The following KCNMA1 variants were observed in gnomAD, a reference collection of about 807,000 sequenced individuals.
KCNMA1 encodes the protein potassium calcium-activated channel subfamily M alpha 1, also known as Calcium-activated potassium channel subunit alpha-1.
KCNMA1 carries 29 observed loss-of-function variants against 140.0 expected under a neutral mutation model. That is an observed-to-expected ratio of 0.21 (90% CI 0.15 to 0.28). The LOEUF is 0.28. Ranked by LOEUF, KCNMA1 falls within the 10% of genes least tolerant of loss-of-function variation. The probability of loss-of-function intolerance (pLI) is 1.00; values close to 1 mark genes in which losing one functional copy is unlikely to be tolerated. For synonymous variants in KCNMA1, 612 were observed against 611.9 expected, an observed-to-expected ratio of 1.00 and a Z score of 0.00; for missense variants, 880 against 1,602.2, an observed-to-expected ratio of 0.55 and a Z score of 7.70.
intron 1 of KCNMA1, among the ~76,000 whole-genome samples, chr10:77,624,528 C>A (rs746302115): frequency 1.3e-5 from 2 of 152,128 alleles, no homozygotes; most frequent in Non-Finnish European, 2.9e-5. Flanking sequence ...TCAAATTTCA[C>A]TCTTGTGTTT....
intron 1 of KCNMA1, among the ~76,000 whole-genome samples, chr10:77,633,841 T>C (rs902898255): frequency 6.6e-6 from 1 of 152,066 alleles, no homozygotes; most frequent in African/African-American, 2.4e-5. Flanking sequence ...TTGGCCTCAG[T>C]TTCCCCAGTT....
Position 77,059,285 on chromosome 10 carries a change from G to GA in KCNMA1, c.1749+13811dup, listed in dbSNP as rs79047743. ...TGCCAAATACTACTAAATATTTAAAGAAAAAAAAATCACCAATTCTACACA... is the reference window on the plus strand; with the variant it reads ...TGCCAAATACTACTAAATATTTAAAGAAAAAAAAAATCACCAATTCTACACA... On this transcript the variant is annotated intron_variant, in intron 14 of 27. Transcript: ENST00000286628. Among the ~76,000 whole-genome samples the GA allele has an allele frequency of 3.5e-3, 525 of 150,048 alleles. 4 individuals are homozygous for GA. Among genetic ancestry groups the GA allele is most frequent in the African/African-American group, 0.012 (489 of 40,944 alleles).
intron 1 of KCNMA1, among the ~76,000 whole-genome samples, chr10:77,503,528 C>T (rs576399673): frequency 1.3e-3 from 195 of 152,216 alleles, no homozygotes; most frequent in African/African-American, 4.4e-3. Flanking sequence ...TTCAAAAAGC[C>T]GGGTGGCTTT....
At chr10:77,105,054 C>G (rs1265478476) in intron 9 of KCNMA1, among the ~76,000 whole-genome samples, 3 of 152,190 alleles carry the variant, frequency 2.0e-5, no homozygotes, top group Non-Finnish European at 4.4e-5. Flanking sequence ...GATTACCTGC[C>G]TCAGCTACTC....
At chr10:77,293,500 T>C (rs886407186) in intron 2 of KCNMA1, among the ~76,000 whole-genome samples, 5 of 152,216 alleles carry the variant, frequency 3.3e-5, no homozygotes, top group Admixed American at 3.3e-4. Context: ...AGGGGCATTG[T>C]GGGTTCCTTT....
intron 26 of KCNMA1, among the ~76,000 whole-genome samples, chr10:76,889,982 C>G (rs532692127): frequency 6.6e-6 from 1 of 152,106 alleles, no homozygotes; most frequent in Non-Finnish European, 1.5e-5. Context: ...GTGATAGGCT[C>G]GTGTTGTCAA....
At chr10:77,316,440 A>G (rs2080903617) in intron 2 of KCNMA1, among the ~76,000 whole-genome samples, 1 of 152,216 alleles carries the variant, frequency 6.6e-6, no homozygotes, top group Non-Finnish European at 1.5e-5. Flanking sequence ...TACCAGCTTA[A>G]GTAGTTTAGA....
intron 1 of KCNMA1, among the ~76,000 whole-genome samples, chr10:77,421,981 C>G (rs1394741946): frequency 2.0e-5 from 3 of 152,224 alleles, no homozygotes; most frequent in Non-Finnish European, 4.4e-5. Flanking sequence ...GCAGTGAAAT[C>G]TGGAAATGCC....
chr10:77,545,270 G>A (rs968701230), intron 1 of KCNMA1, among the ~76,000 whole-genome samples: 1 of 152,182 alleles, frequency 6.6e-6, no homozygotes, highest in Non-Finnish European at 1.5e-5. Context: ...ACACGGAAAT[G>A]TATTATATGC....
chr10:76,891,032 G>A (rs2039813940), intron 26 of KCNMA1, among the ~76,000 whole-genome samples: 1 of 152,214 alleles, frequency 6.6e-6, no homozygotes, highest in Non-Finnish European at 1.5e-5. Context: ...GAAACCTGCA[G>A]GCTGAGGCTG....
intron 1 of KCNMA1, among the ~76,000 whole-genome samples, chr10:77,434,336 A>C (rs896940959): frequency 6.6e-6 from 1 of 152,184 alleles, no homozygotes; most frequent in Admixed American, 6.5e-5. Flanking sequence ...GTTCCTGTGG[A>C]AAGGAGGTAT....
chr10:77,051,169 G>T (rs2095349482), intron 14 of KCNMA1, among the ~76,000 whole-genome samples: 1 of 152,156 alleles, frequency 6.6e-6, no homozygotes, highest in African/African-American at 2.4e-5. Context: ...TGAGTGTGAG[G>T]ACGAAAACGC....
chr10:77,559,073 CT>C, intron 1 of KCNMA1, among the ~76,000 whole-genome samples: 1 of 152,204 alleles, frequency 6.6e-6, no homozygotes, highest in Non-Finnish European at 1.5e-5. Context: ...AGCCCAGCCC[CT>C]GTCACTGGGC....
intron 5 of KCNMA1, among the ~76,000 whole-genome samples, chr10:77,156,227 TAAAAAAAAAAAAAAA>T (rs58950492): frequency 8.3e-6 from 1 of 120,592 alleles, no homozygotes; most frequent in African/African-American, 3.3e-5. Context: ...GACTCCATCT[TAAAAAAAAAAAAAAA>T]AAAAAAAAAA....
chr10:77,271,617 A>G (rs1439063912), intron 2 of KCNMA1, among the ~76,000 whole-genome samples: 1 of 152,256 alleles, frequency 6.6e-6, no homozygotes, highest in Non-Finnish European at 1.5e-5. Flanking sequence ...TGCCTGGCAC[A>G]TAGCAAGCTC....
At chr10:77,226,214 G>C (rs969373404) in intron 3 of KCNMA1, among the ~76,000 whole-genome samples, 1 of 152,098 alleles carries the variant, frequency 6.6e-6, no homozygotes, top group Non-Finnish European at 1.5e-5. Context: ...CAACATTGCT[G>C]GGAGGGTTCT....
chr10:77,500,577 C>A (rs1204322666), intron 1 of KCNMA1, among the ~76,000 whole-genome samples: 9 of 152,094 alleles, frequency 5.9e-5, no homozygotes, highest in Admixed American at 5.2e-4. Context: ...TTAAATAAGG[C>A]AACACAGGAG....
intron 5 of KCNMA1, among the ~76,000 whole-genome samples, chr10:77,132,993 G>A (rs1230573174): frequency 1.3e-5 from 2 of 152,086 alleles, no homozygotes; most frequent in African/African-American, 2.4e-5. Context: ...AGATGGAGGT[G>A]TGAAGGAGAG....
At chr10:77,467,175 T>G (rs1344088807) in intron 1 of KCNMA1, among the ~76,000 whole-genome samples, 3 of 152,072 alleles carry the variant, frequency 2.0e-5, no homozygotes, top group South Asian at 4.2e-4. Context: ...GATTCACCAG[T>G]TTTTAAAAAA....
Sources: gnomAD v4.1 joint callset for allele counts (sites outside exome capture counted in the v4.1 genomes callset) on GRCh38, gnomAD v4.1.1 for gene constraint, MANE v1.5 for transcripts, NCBI Gene and HGNC (gene_info 2026-07-23, HGNC 2026-07-21) for gene names.